The following CENPP variants were observed in gnomAD, a reference collection of about 807,000 sequenced individuals.
The protein encoded by CENPP is centromere protein P.
In CENPP, 24 loss-of-function variants were observed where a neutral mutation model predicts 35.6. The observed-to-expected ratio is 0.67, with a 90% confidence interval of 0.49 to 0.95. The LOEUF (loss-of-function observed/expected upper bound fraction) is 0.95, where lower values mean the gene tolerates loss of function less well. Among genes scored for constraint, CENPP ranks in the 40% least tolerant of loss-of-function variants. CENPP has a pLI of 0.00. For synonymous variants in CENPP, 120 were observed against 125.5 expected (o/e 0.96, Z 0.29); for missense variants, 332 against 345.3 (o/e 0.96, Z 0.31).
chr9:92,393,613 T>C (rs528005645), intron 5 of CENPP, among the ~76,000 whole-genome samples: 12 of 152,320 alleles, frequency 7.9e-5, no homozygotes, highest in Middle Eastern at 6.8e-3. Flanking sequence ...AGCTAGACTT[T>C]AGTAACCACT....
rs1414586261 is a variant in CENPP at position 92,615,153 on chromosome 9, C to CAAAAA, written c.*2011_*2015dup. On this transcript the variant is annotated 3_prime_UTR_variant, in exon 8 of 8. Coordinates refer to ENST00000375587, the MANE Select transcript of CENPP (RefSeq NM_001012267.3). ...TCATGTGAAAGATTAAATTGTAAAGCAAAAAAAAAAAGGTCAATGCTCGCA... is the reference window on the plus strand; with the variant it reads ...TCATGTGAAAGATTAAATTGTAAAGCAAAAAAAAAAAAAAAAGGTCAATGCTCGCA... The CAAAAA allele has an allele frequency of 2.1e-5, 3 of 143,076 alleles. No homozygotes were observed. Among genetic ancestry groups the CAAAAA allele is most frequent in the African/African-American group, 7.7e-5 (3 of 39,024 alleles). The allele number at this position is 143,076 out of a possible 1,614,324, so 8.9% of individuals were successfully genotyped here.
chr9:92,518,961 A>G (rs777528281), intron 5 of CENPP, among the ~76,000 whole-genome samples: 5 of 152,200 alleles, frequency 3.3e-5, no homozygotes, highest in African/African-American at 4.8e-5. Context: ...GATTGTAGAT[A>G]TGTGGATAAG....
intron 5 of CENPP, among the ~76,000 whole-genome samples, chr9:92,388,114 G>T (rs1842509546): frequency 6.6e-6 from 1 of 151,944 alleles, no homozygotes; most frequent in Non-Finnish European, 1.5e-5. Flanking sequence ...TGTAATTCCT[G>T]TCTAAACCCC....
chr9:92,567,373 G>GATATATATATATATATATCT (rs1849999795), intron 5 of CENPP, among the ~76,000 whole-genome samples: 1 of 129,090 alleles, frequency 7.7e-6, no homozygotes, highest in Non-Finnish European at 1.6e-5. Flanking sequence ...ACATAAGATA[G>GATATATATATATATATATCT]ATATATATAT....
intron 5 of CENPP, among the ~76,000 whole-genome samples, chr9:92,607,357 C>G (rs1456942027): frequency 6.6e-6 from 1 of 151,860 alleles, no homozygotes; most frequent in African/African-American, 2.4e-5. Flanking sequence ...TACTAAAATA[C>G]AAATGAAAGC....
chr9:92,502,123 T>G (rs1178427316), intron 5 of CENPP, among the ~76,000 whole-genome samples: 1 of 151,646 alleles, frequency 6.6e-6, no homozygotes, highest in African/African-American at 2.4e-5. Flanking sequence ...GAATAATCCT[T>G]CATTCAAACC....
chr9:92,356,181 A>G (rs1299073815), intron 4 of CENPP, among the ~76,000 whole-genome samples: 4 of 152,228 alleles, frequency 2.6e-5, no homozygotes, highest in Non-Finnish European at 5.9e-5. Context: ...TTGGAACACT[A>G]CAGAAAGGAG....
intron 5 of CENPP, among the ~76,000 whole-genome samples, chr9:92,409,330 G>A (rs1308235126): frequency 6.6e-6 from 1 of 152,184 alleles, no homozygotes; most frequent in African/African-American, 2.4e-5. Context: ...TTAGAATCAG[G>A]AAACCAGGGT....
intron 5 of CENPP, chr9:92,460,400 G>C: frequency 1.1e-6 from 1 of 886,168 alleles, no homozygotes; most frequent in South Asian, 1.6e-5. Flanking sequence ...TAAACAGACA[G>C]TGATCTCTAC....
intron 5 of CENPP, among the ~76,000 whole-genome samples, chr9:92,562,854 T>TG (rs972522926): frequency 2.6e-5 from 4 of 152,086 alleles, no homozygotes; most frequent in Admixed American, 6.6e-5. Context: ...CCATCACTTA[T>TG]GGGGGGGATA....
intron 5 of CENPP, among the ~76,000 whole-genome samples, chr9:92,458,103 A>G (rs1177527596): frequency 4.6e-5 from 7 of 152,220 alleles, no homozygotes; most frequent in Non-Finnish European, 8.8e-5. Flanking sequence ...CAATAATTGA[A>G]ATCACTTGAT....
intron 5 of CENPP, among the ~76,000 whole-genome samples, chr9:92,432,880 C>T (rs1266875838): frequency 6.6e-6 from 1 of 151,970 alleles, no homozygotes; most frequent in African/African-American, 2.4e-5. Flanking sequence ...TAGAAGTAGA[C>T]CCTTTAATTT....
intron 5 of CENPP, among the ~76,000 whole-genome samples, chr9:92,483,489 A>G (rs1845977386): frequency 6.6e-6 from 1 of 151,972 alleles, no homozygotes; most frequent in African/African-American, 2.4e-5. Context: ...CGGCCTCCCA[A>G]AGTGCTGGGA....
intron 3 of CENPP, among the ~76,000 whole-genome samples, chr9:92,342,840 C>T (rs1161301226): frequency 6.6e-6 from 1 of 151,114 alleles, no homozygotes; most frequent in African/African-American, 2.4e-5. Context: ...TGTATGTATG[C>T]CTTTAGAAAC....
chr9:92,514,864 T>C (rs768427718), intron 5 of CENPP: 4 of 1,603,840 alleles, frequency 2.5e-6, no homozygotes, highest in South Asian at 1.1e-5. Flanking sequence ...CTCCTCCTCA[T>C]CCTCCTCCTC....
chr9:92,567,393 T>TAGATAG (rs141069842), intron 5 of CENPP, among the ~76,000 whole-genome samples: 1 of 124,924 alleles, frequency 8.0e-6, no homozygotes, highest in Non-Finnish European at 1.6e-5. Flanking sequence ...TATATATATA[T>TAGATAG]ATAGATATAT....
intron 5 of CENPP, among the ~76,000 whole-genome samples, chr9:92,604,430 G>A (rs1851015589): frequency 1.3e-5 from 2 of 152,082 alleles, no homozygotes; most frequent in Admixed American, 1.3e-4. Flanking sequence ...ATATATTCTG[G>A]ATACAAGTTT....
At chr9:92,335,507 T>C (rs1267462924) in intron 2 of CENPP, among the ~76,000 whole-genome samples, 1 of 152,172 alleles carries the variant, frequency 6.6e-6, no homozygotes, top group African/African-American at 2.4e-5. Context: ...GTTTTATAGT[T>C]TTGTATTTTA....
rs781597469 is a variant in CENPP, at chr9:92,522,733, T to C, written c.565-88581T>C. ...AAGCTGTCTGTTTGATCTGTGCTTG[T>C]GTGAGGTTGAACTTTTCCTCAACCT... On this transcript the variant is annotated intron_variant, in intron 5 of 7. Coordinates refer to ENST00000375587, the MANE Select transcript of CENPP (RefSeq NM_001012267.3). The C allele has an allele frequency of 5.0e-6, 8 of 1,614,074 alleles. No individual in the cohort carries two copies. The East Asian group carries it at 1.8e-4, about 36-fold the overall frequency.
Sources: allele counts gnomAD v4.1 joint callset (sites outside exome capture counted in the v4.1 genomes callset), GRCh38; gene constraint gnomAD v4.1.1; transcripts MANE v1.5; gene names NCBI Gene and HGNC (gene_info 2026-07-23, HGNC 2026-07-21).